Variants in ZNF835 observed in about 807,000 individuals in gnomAD.
The protein encoded by ZNF835 is zinc finger protein 835.
For missense variants in ZNF835, 783 were observed against 758.4 expected, an observed-to-expected ratio of 1.03 and a Z score of -0.38; for synonymous variants, 323 against 324.7, an observed-to-expected ratio of 0.99 and a Z score of 0.06.
rs929791263 is a variant in ZNF835, at chr19:56,664,371, C to G, written c.828G>C (p.Lys276Asn). ...IRHQRIHTEE[K>N]PYRCGQCAKA... Reference sequence around the variant, plus strand: ...TGGCGCACTGGCCGCAGCGGTAGGGCTTCTCCTCCGTGTGGATGCGCTGGT... The same window carrying G: ...TGGCGCACTGGCCGCAGCGGTAGGGGTTCTCCTCCGTGTGGATGCGCTGGT... Residue 276 changes from lysine (K) to asparagine (N), a missense_variant, in exon 2 of 2, where the codon AAG becomes AAC. Transcript: ENST00000537055. The G allele has an allele frequency of 1.2e-6, 2 of 1,609,976 alleles. No individual in the cohort carries two copies. The highest frequency in any genetic ancestry group is 3.4e-5 in the Admixed American group (2 of 59,402).
intron 1 of ZNF835, among the ~76,000 whole-genome samples, chr19:56,668,569 T>G (rs1463320461): frequency 6.6e-6 from 1 of 152,062 alleles, no homozygotes; most frequent in Non-Finnish European, 1.5e-5. Context: ...TCTTTCTGCC[T>G]GACATGCTCT....
Position 56,664,555 on chromosome 19 carries a change from A to T in ZNF835, c.644T>A (p.Val215Glu), listed in dbSNP as rs1480465247. 4 of 1,607,200 alleles carry T rather than the reference A, an allele frequency of 2.5e-6. No individual in the cohort carries two copies. Among genetic ancestry groups the T allele is most frequent in the Non-Finnish European group, 3.4e-6 (4 of 1,176,618 alleles). ...CGCGTAGGGCCGCTCGCCCGTGTGC[A>T]CGCGCCGGTGCTGGGTCAGGTGCGT... The part of the protein sequence containing the change: ...RVTHLTQHRR[V>E]HTGERPYACA... Residue 215 changes from valine to glutamate, a missense_variant, in exon 2 of 2, where the codon GTG (valine) becomes GAG (glutamate). Physicochemically the swap from Val to Glu is moderately radical, Grantham distance 121. Transcript: ENST00000537055.
intron 1 of ZNF835, among the ~76,000 whole-genome samples, chr19:56,668,960 A>C (rs1453907975): frequency 6.6e-6 from 1 of 152,134 alleles, no homozygotes; most frequent in South Asian, 2.1e-4. Flanking sequence ...TGTTGTGCAC[A>C]CACAAAGGAG....
rs917616352 is a variant in ZNF835 at position 56,663,403 on chromosome 19, A to T, written c.*182T>A. On this transcript the variant is annotated 3_prime_UTR_variant, in exon 2 of 2. Transcript: ENST00000537055. ...CGTGCCCCATTTATAATTTTGCACCAGGAAGACCGCAGGGGAGTCTGGCAG... is the reference window on the plus strand; with the variant it reads ...CGTGCCCCATTTATAATTTTGCACCTGGAAGACCGCAGGGGAGTCTGGCAG... The T allele has an allele frequency of 1.1e-5, 9 of 810,798 alleles. No homozygotes were observed. The Admixed American group carries it at 2.0e-4, about 18-fold the overall frequency. 50.2% of individuals were successfully genotyped at this position (810,798 alleles called of 1,614,324 possible).
Position 56,663,852 on chromosome 19 carries a change from G to T in ZNF835, c.1347C>A (p.Pro449=), listed in dbSNP as rs754862709. 1 of 1,613,420 alleles carries T rather than the reference G, an allele frequency of 6.2e-7. No individual in the cohort carries two copies. Among genetic ancestry groups the T allele is most frequent in the African/African-American group, 1.3e-5 (1 of 74,876 alleles). Residue 449 remains proline, a synonymous_variant, in exon 2 of 2, where the codon CCC becomes CCA. Transcript: ENST00000537055. ...GGTTGCTGAAGGCCTTGCCGCACTC[G>T]GGGCAGGTGTAGGGCCGCTCGCCCG... is the stretch of plus-strand genomic sequence containing the variant. The part of the protein sequence containing the change: ...THTGERPYTC[P]ECGKAFSNRS...
rs1220014441 is a variant in ZNF835 at position 56,665,203 on chromosome 19, G to T, written c.-5C>A. On this transcript the variant is annotated 5_prime_UTR_variant, in exon 2 of 2. Transcript: ENST00000537055. ...GACGCTCAAGAGTCCCTCCATCCTC[G>T]ATCCCTGGGCTGCTGTCTTGATCTC... is the stretch of plus-strand genomic sequence containing the variant. The T allele has an allele frequency of 6.2e-7, 1 of 1,613,626 alleles. No homozygotes were observed. Among genetic ancestry groups the T allele is most frequent in the Non-Finnish European group, 8.5e-7 (1 of 1,179,874 alleles).
intron 1 of ZNF835, among the ~76,000 whole-genome samples, chr19:56,666,806 GCT>G (rs940751503): frequency 6.6e-6 from 1 of 152,140 alleles, no homozygotes; most frequent in Non-Finnish European, 1.5e-5. Context: ...CTTACTCTCT[GCT>G]CTCTCTGTCC....
At position 56,664,971 on chromosome 19, in the gene ZNF835, G is replaced by A. The variant is rs372275425; in HGVS notation, c.228C>T (p.Asp76=). The A allele has an allele frequency of 2.5e-6, 4 of 1,613,940 alleles. No individual in the cohort carries two copies. The highest frequency in any genetic ancestry group is 2.7e-5 in the African/African-American group (2 of 74,946). Residue 76 remains aspartate (D), a synonymous_variant, in exon 2 of 2, where the codon GAC becomes GAT. Coordinates refer to ENST00000537055, the MANE Select transcript of ZNF835 (RefSeq NM_001005850.3). ...SPAATQASVP[D]DSSSRRCSAP... Reference sequence around the variant, plus strand: ...CGCTGCACCTCCGGGAACTGCTGTCGTCGGGGACACTGGCTTGGGTAGCAG... The same window carrying A: ...CGCTGCACCTCCGGGAACTGCTGTCATCGGGGACACTGGCTTGGGTAGCAG...
At position 56,664,062 on chromosome 19, in the gene ZNF835, C is replaced by T; in HGVS notation, c.1137G>A (p.Gln379=). The change falls in exon 2 of 2, where the codon CAG becomes CAA. Residue 379 remains glutamine (Q), a synonymous_variant. Coordinates refer to ENST00000537055, the MANE Select transcript of ZNF835 (RefSeq NM_001005850.3). ...KRFSNRSHLL[Q]HRLVHTGERP... is the part of the protein sequence containing the mutation. Reference sequence around the variant, plus strand: ...GCTCACCGGTGTGCACGAGGCGGTGCTGGAGGAGGTGGGAGCGGTTGCTGA... The same window carrying T: ...GCTCACCGGTGTGCACGAGGCGGTGTTGGAGGAGGTGGGAGCGGTTGCTGA... 6.2e-7 allele frequency: 1 copy of T among 1,611,374 alleles called. No homozygotes were observed. The highest frequency in any genetic ancestry group is 8.5e-7 in the Non-Finnish European group (1 of 1,179,224).
intron 1 of ZNF835, among the ~76,000 whole-genome samples, chr19:56,667,628 G>A (rs2045257054): frequency 6.6e-6 from 1 of 152,206 alleles, no homozygotes; most frequent in African/African-American, 2.4e-5. Flanking sequence ...CTCGGCCTTT[G>A]GCTCCTCCGG....
At chr19:56,667,032 C>T (rs926884095) in intron 1 of ZNF835, among the ~76,000 whole-genome samples, 6 of 152,128 alleles carry the variant, frequency 3.9e-5, no homozygotes, top group African/African-American at 1.2e-4. Context: ...GGCCCAGGGT[C>T]GTTAGAGATG....
At chr19:56,668,665 G>A (rs924643178) in intron 1 of ZNF835, among the ~76,000 whole-genome samples, 4 of 152,180 alleles carry the variant, frequency 2.6e-5, no homozygotes, top group Admixed American at 2.6e-4. Flanking sequence ...AACACAGCAA[G>A]TGCAAAGGTC....
At chr19:56,666,254 A>G (rs2045245067) in intron 1 of ZNF835, among the ~76,000 whole-genome samples, 1 of 152,094 alleles carries the variant, frequency 6.6e-6, no homozygotes. Flanking sequence ...CTACAGGTGC[A>G]CGCCACCATG....
At chr19:56,670,847 G>C (rs10084152) in intron 1 of ZNF835, among the ~76,000 whole-genome samples, 23,725 of 152,298 alleles carry the variant, frequency 0.16, 1,929 homozygotes, top group East Asian at 0.24. Context: ...GGCACACCCA[G>C]ACATGCACAC....
chr19:56,664,821 G>T lies in ZNF835; in HGVS notation c.378C>A (p.Ile126=). The stretch of plus-strand genomic sequence containing the variant: ...CCCCGGTGTGGATTCTCTGGTGTAA[G>T]ATGAACGCTGAACAGTAGCTGAAGG... ...GKAFSYCSAF[I]LHQRIHTGEK... The change falls in exon 2 of 2, where the codon ATC becomes ATA. Residue 126 remains isoleucine, a synonymous_variant. Transcript: ENST00000537055. The T allele has an allele frequency of 6.2e-7, 1 of 1,611,382 alleles. No homozygotes were observed. The highest frequency in any genetic ancestry group is 8.5e-7 in the Non-Finnish European group (1 of 1,177,814).
At position 56,664,991 on chromosome 19, in the gene ZNF835, T is replaced by C. The variant is rs776136225; in HGVS notation, c.208A>G (p.Thr70Ala). 1 of 1,613,710 alleles carries C rather than the reference T, an allele frequency of 6.2e-7. No individual in the cohort carries two copies. Reference protein sequence around the residue: ...IPRTISSPAATQASVPDDSSS... With the variant: ...IPRTISSPAAAQASVPDDSSS... ...CTGTCGTCGGGGACACTGGCTTGGG[T>C]AGCAGCAGGGCTCGATATGGTTCTT... The change falls in exon 2 of 2, where the codon ACC (threonine) becomes GCC (alanine). Residue 70 changes from threonine to alanine, a missense_variant. By Grantham distance (58) the Thr-to-Ala change is moderately conservative (BLOSUM62 0). Transcript: ENST00000537055.
chr19:56,665,263 G>GAAAAAAAAAA lies in ZNF835; in HGVS notation c.-47-19_-47-18insTTTTTTTTTT. On this transcript the variant is annotated intron_variant, in intron 1 of 1. Transcript: ENST00000537055. ...CTCTGGGTCTGAAAAGAAAAAGATA[G>GAAAAAAAAAA]AAAAAAAAATTAAATGTTGCCACTT... 1 of 1,582,968 alleles carries GAAAAAAAAAA rather than the reference G, an allele frequency of 6.3e-7. No individual in the cohort carries two copies. The highest frequency in any genetic ancestry group is 1.8e-5 in the Admixed American group (1 of 54,500).
Position 56,664,929 on chromosome 19 carries a change from C to T in ZNF835, c.270G>A (p.Pro90=). The change falls in exon 2 of 2, where the codon CCG becomes CCA. Residue 90 remains proline, a synonymous_variant. Transcript: ENST00000537055. ...GGCGGCTGTCAGGATGCCTCTCCTT[C>T]GGGCTCTCCCCAGGCGCGCTGCACC... The part of the protein sequence containing the change: ...SRRCSAPGES[P]KERHPDSRQR... 1 of 1,614,022 alleles carries T rather than the reference C, an allele frequency of 6.2e-7. No individual in the cohort carries two copies. The highest frequency in any genetic ancestry group is 8.5e-7 in the Non-Finnish European group (1 of 1,179,890).
chr19:56,663,162 G>GAA lies in ZNF835; in HGVS notation c.*421_*422dup, dbSNP rs34647340. 0.12 allele frequency: 15,165 copies of GAA among 122,916 alleles called. 1,071 individuals carry two copies. Among genetic ancestry groups the GAA allele is most frequent in the African/African-American group, 0.19 (5,157 of 27,792 alleles). The allele number at this position is 122,916 out of a possible 1,614,324, so 7.6% of individuals were successfully genotyped here. ...GGCGACAGAGCAAGACTCCGTCTCAGAAAAAAAAAAAAAAAAAAATTAGCC... is the reference window on the plus strand; with the variant it reads ...GGCGACAGAGCAAGACTCCGTCTCAGAAAAAAAAAAAAAAAAAAAAATTAGCC... On this transcript the variant is annotated 3_prime_UTR_variant, in exon 2 of 2. Transcript: ENST00000537055.
Sources: allele counts gnomAD v4.1 joint callset (sites outside exome capture counted in the v4.1 genomes callset), GRCh38; gene constraint gnomAD v4.1.1; transcripts MANE v1.5; gene names NCBI Gene and HGNC (gene_info 2026-07-23, HGNC 2026-07-21).